The following WDR70 variants were observed in gnomAD, a reference collection of about 807,000 sequenced individuals.
The protein encoded by WDR70 is WD repeat-containing protein 70.
A neutral mutation model predicts 88.6 loss-of-function variants in WDR70; 53 were observed. The observed-to-expected ratio is 0.60, with a 90% CI of 0.48 to 0.75. The LOEUF is 0.75. Among genes scored for constraint, WDR70 ranks in the 30% least tolerant of loss-of-function variants. The probability of loss-of-function intolerance (pLI) is 0.00; values close to 1 mark genes in which losing one functional copy is unlikely to be tolerated. For missense variants in WDR70, 610 were observed against 823.2 expected, an observed-to-expected ratio of 0.74 and a Z score of 3.17; for synonymous variants, 280 against 270.0, an observed-to-expected ratio of 1.04 and a Z score of -0.36.
chr5:37,655,769 T>A (rs6451332), intron 10 of WDR70, among the ~76,000 whole-genome samples: 15,959 of 151,772 alleles, frequency 0.11, 2,700 homozygotes, highest in African/African-American at 0.36. Context: ...GTTCTTGTGC[T>A]GTGTTTTTCA....
At chr5:37,672,710 G>A (rs1746065822) in intron 10 of WDR70, among the ~76,000 whole-genome samples, 1 of 152,104 alleles carries the variant, frequency 6.6e-6, no homozygotes, top group Non-Finnish European at 1.5e-5. Context: ...ATAGCAATCA[G>A]TAAATACTGA....
intron 5 of WDR70, among the ~76,000 whole-genome samples, chr5:37,427,742 C>T (rs1044787561): frequency 6.6e-6 from 1 of 152,124 alleles, no homozygotes; most frequent in African/African-American, 2.4e-5. Flanking sequence ...CAAAAAATAG[C>T]TGGGCGTGGT....
At chr5:37,736,328 A>G (rs774326946) in intron 17 of WDR70, among the ~76,000 whole-genome samples, 1 of 152,182 alleles carries the variant, frequency 6.6e-6, no homozygotes, top group Non-Finnish European at 1.5e-5. Flanking sequence ...TATTGGATAT[A>G]TGAATATGTG....
intron 9 of WDR70, among the ~76,000 whole-genome samples, chr5:37,567,837 T>C (rs1742788364): frequency 6.6e-6 from 1 of 151,690 alleles, no homozygotes; most frequent in Admixed American, 6.6e-5. Flanking sequence ...TTAGGAGAGG[T>C]CGTTGTCAGG....
chr5:37,484,607 A>G (rs983753082), intron 8 of WDR70, among the ~76,000 whole-genome samples: 1 of 152,212 alleles, frequency 6.6e-6, no homozygotes, highest in Non-Finnish European at 1.5e-5. Flanking sequence ...CTCAGTTTTT[A>G]ATGTAAATAT....
At chr5:37,735,566 C>T (rs954208143) in intron 17 of WDR70, among the ~76,000 whole-genome samples, 2 of 152,112 alleles carry the variant, frequency 1.3e-5, no homozygotes, top group African/African-American at 2.4e-5. Flanking sequence ...CACCCAATTT[C>T]GTCACCTTGC....
At chr5:37,679,152 T>G (rs1275598954) in intron 10 of WDR70, among the ~76,000 whole-genome samples, 9 of 152,170 alleles carry the variant, frequency 5.9e-5, no homozygotes, top group Non-Finnish European at 8.8e-5. Context: ...TTTCAAAGTT[T>G]TTAACTTCTT....
intron 8 of WDR70, among the ~76,000 whole-genome samples, chr5:37,488,095 T>TTTTTTTTTTTTTTTTTC (rs1554143007): frequency 1.4e-5 from 2 of 143,122 alleles, no homozygotes; most frequent in Non-Finnish European, 1.5e-5. Context: ...TTTTTTTTTT[T>TTTTTTTTTTTTTTTTTC]CCTTTCAGCA....
intron 9 of WDR70, among the ~76,000 whole-genome samples, chr5:37,564,047 C>G (rs913762528): frequency 2.0e-5 from 3 of 148,570 alleles, no homozygotes; most frequent in Admixed American, 2.0e-4. Context: ...CCAGACTGGG[C>G]AGCCAGGCAG....
chr5:37,407,912 G>C (rs1481035319), intron 5 of WDR70, among the ~76,000 whole-genome samples: 2 of 152,108 alleles, frequency 1.3e-5, no homozygotes, highest in Admixed American at 1.3e-4. Flanking sequence ...TGTGGAGCCT[G>C]TTTTAAGTGT....
rs1748863295 is a variant in WDR70 at position 37,753,290 on chromosome 5, A to G, written c.*717A>G. ...GCATTTAGTACAGTACCTGGAACAC[A>G]GTAAATGTATACCAAATATTTGCTA... On this transcript the variant is annotated 3_prime_UTR_variant, in exon 18 of 18. Coordinates refer to ENST00000265107, the MANE Select transcript of WDR70 (RefSeq NM_018034.4). 6.6e-6 allele frequency: 1 copy of G among 152,244 alleles called. No individual in the cohort carries two copies. 9.4% of individuals were successfully genotyped at this position (152,244 alleles called of 1,614,324 possible). A position where few individuals can be genotyped will look rare whatever the true frequency, so the allele number is the denominator to read the frequency against.
At chr5:37,521,163 A>G (rs79629700) in intron 9 of WDR70, among the ~76,000 whole-genome samples, 1 of 152,186 alleles carries the variant, frequency 6.6e-6, no homozygotes, top group African/African-American at 2.4e-5. Context: ...CATAGTTGAT[A>G]ATGTTTTAAC....
intron 9 of WDR70, among the ~76,000 whole-genome samples, chr5:37,580,196 C>T (rs1743179452): frequency 6.6e-6 from 1 of 152,130 alleles, no homozygotes; most frequent in Non-Finnish European, 1.5e-5. Context: ...CTACTCTTTG[C>T]ATGTGAATCA....
chr5:37,417,794 G>T (rs1055052635), intron 5 of WDR70, among the ~76,000 whole-genome samples: 1 of 152,152 alleles, frequency 6.6e-6, no homozygotes, highest in East Asian at 1.9e-4. Flanking sequence ...TGATCCTCTT[G>T]CCTTGGCCTC....
At chr5:37,609,744 C>A (rs553308680) in intron 10 of WDR70, among the ~76,000 whole-genome samples, 1 of 152,150 alleles carries the variant, frequency 6.6e-6, no homozygotes, top group African/African-American at 2.4e-5. Flanking sequence ...CCAAGAAAGC[C>A]GCAAGATTTC....
At chr5:37,694,194 A>T (rs979560526) in intron 10 of WDR70, among the ~76,000 whole-genome samples, 6 of 152,192 alleles carry the variant, frequency 3.9e-5, no homozygotes, top group Non-Finnish European at 7.4e-5. Flanking sequence ...AAAGTCAGGA[A>T]ACAACAGATG....
intron 9 of WDR70, among the ~76,000 whole-genome samples, chr5:37,589,249 T>TACATACAC (rs1743456590): frequency 1.4e-5 from 2 of 140,166 alleles, no homozygotes; most frequent in East Asian, 2.2e-4. Flanking sequence ...CCTACACACA[T>TACATACAC]ACACACACAC....
chr5:37,704,636 CA>C lies in WDR70; in HGVS notation c.1416+1550del, dbSNP rs1248585715. On this transcript the variant is annotated intron_variant, in intron 13 of 17. Coordinates refer to ENST00000265107, the MANE Select transcript of WDR70 (RefSeq NM_018034.4). ...TTCTTCTACCAGGATGTAAGTCACA[CA>C]GGGCGGAAACTTTTTGTTCACTGCA... is the stretch of plus-strand genomic sequence containing the variant. 3.3e-5 allele frequency among the ~76,000 whole-genome samples: 5 copies of C among 152,204 alleles called. No homozygotes were observed. In the East Asian group the frequency reaches 9.6e-4, roughly 29 times the overall value.
intron 10 of WDR70, among the ~76,000 whole-genome samples, chr5:37,688,690 A>G (rs1441687245): frequency 1.3e-5 from 2 of 152,002 alleles, no homozygotes; most frequent in Non-Finnish European, 2.9e-5. Flanking sequence ...CAGAATGATC[A>G]TTTAAAAATA....
Sources: allele counts gnomAD v4.1 joint callset (sites outside exome capture counted in the v4.1 genomes callset), GRCh38; gene constraint gnomAD v4.1.1; transcripts MANE v1.5; gene names NCBI Gene and HGNC (gene_info 2026-07-23, HGNC 2026-07-21).